Variants in BCL7C observed in about 807,000 individuals in gnomAD.
BCL7C encodes B-cell CLL/lymphoma 7 protein family member C.
In BCL7C, 8 loss-of-function variants were observed where a neutral mutation model predicts 26.2. The observed-to-expected ratio is 0.30, with a 90% CI of 0.18 to 0.55. The LOEUF (loss-of-function observed/expected upper bound fraction) is 0.55, where lower values mean the gene tolerates loss of function less well. BCL7C is among the 20% of genes least tolerant of loss of function. BCL7C has a pLI of 0.93. For synonymous variants in BCL7C, 90 were observed against 116.5 expected, an observed-to-expected ratio of 0.77 and a Z score of 1.47; for missense variants, 262 against 298.5, an observed-to-expected ratio of 0.88 and a Z score of 0.90.
At chr16:30,883,033 G>A (rs1447077816), downstream of BCL7C, among the ~76,000 whole-genome samples, 1 of 152,154 alleles carries the variant, frequency 6.6e-6, no homozygotes, top group Admixed American at 6.6e-5. Flanking sequence ...GTCTGGAGGT[G>A]GGGGTGGAAC....
chr16:30,869,140 G>A (rs2054859602), intron 5 of BCL7C, among the ~76,000 whole-genome samples: 1 of 152,146 alleles, frequency 6.6e-6, no homozygotes, highest in South Asian at 2.1e-4. Flanking sequence ...TGGGGCCAGA[G>A]TCGTAGTTCC....
At chr16:30,846,796 C>G (rs2054639342) in intron 5 of BCL7C, among the ~76,000 whole-genome samples, 1 of 152,216 alleles carries the variant, frequency 6.6e-6, no homozygotes. Context: ...GGCTTGAGCT[C>G]CCTGCTGAGC....
chr16:30,869,710 G>A (rs113376578), intron 5 of BCL7C, among the ~76,000 whole-genome samples: 2,197 of 151,590 alleles, frequency 0.014, 72 homozygotes, highest in African/African-American at 0.05. Context: ...ATGGGGTCTC[G>A]CTATGGTGCC....
At chr16:30,855,163 T>C (rs571872836) in intron 5 of BCL7C, among the ~76,000 whole-genome samples, 1 of 152,332 alleles carries the variant, frequency 6.6e-6, no homozygotes, top group Admixed American at 6.5e-5. Flanking sequence ...AGAGCTATGC[T>C]TCTGTGTCTA....
intron 5 of BCL7C, among the ~76,000 whole-genome samples, chr16:30,855,198 T>C (rs964094960): frequency 3.3e-5 from 5 of 152,192 alleles, no homozygotes; most frequent in African/African-American, 1.2e-4. Flanking sequence ...TCATCAGAAG[T>C]TTCTCCACAT....
rs1458833666 is a variant in BCL7C, at chr16:30,893,624, G to A, written c.92+229C>T. Among the ~76,000 whole-genome samples, 4 of 152,156 alleles carry A rather than the reference G, an allele frequency of 2.6e-5. No individual in the cohort carries two copies. In the East Asian group the frequency reaches 5.8e-4, roughly 22 times the overall value. On this transcript the variant is annotated intron_variant, in intron 1 of 5. Coordinates refer to ENST00000215115, the MANE Select transcript of BCL7C (RefSeq NM_004765.4). This position sits in a 1 kb window ranked among gnomAD's most constrained non-coding sequence, Gnocchi z 5.2. ...GAGGGGTGTCAAAGCTTTAGGGGGC[G>A]GGGCACAAGAGGGGGCTCCCGCTCT...
At chr16:30,883,305 A>G (rs560300347), downstream of BCL7C, among the ~76,000 whole-genome samples, 3 of 152,188 alleles carry the variant, frequency 2.0e-5, no homozygotes, top group African/African-American at 4.8e-5. Context: ...CAAGGTGGTA[A>G]ATAAGGGCTG....
chr16:30,851,750 AC>A, intron 5 of BCL7C: 1 of 524,252 alleles, frequency 1.9e-6, no homozygotes, highest in Non-Finnish European at 3.4e-6. Flanking sequence ...AGTGACCGTG[AC>A]CTTTTTTTGG....
At position 30,847,536 on chromosome 16, in the gene BCL7C, C is replaced by G. The variant is rs1404583812; in HGVS notation, c.529-12388G>C. 2.6e-5 allele frequency among the ~76,000 whole-genome samples: 4 copies of G among 152,152 alleles called. No homozygotes were observed. In the East Asian group the frequency reaches 7.7e-4, roughly 29 times the overall value. ...ATGGGCCAGGCACAGTGGCTCACACCTGTAATCTCAGCACTGTGGGAGACC... is the reference window on the plus strand; with the variant it reads ...ATGGGCCAGGCACAGTGGCTCACACGTGTAATCTCAGCACTGTGGGAGACC... On this transcript the variant is annotated intron_variant, in intron 5 of 5. Transcript: ENST00000380317.
intron 5 of BCL7C, among the ~76,000 whole-genome samples, chr16:30,841,899 G>A (rs1484976931): frequency 1.4e-5 from 2 of 139,446 alleles, no homozygotes; most frequent in African/African-American, 2.7e-5. Context: ...AGCTTGCAGT[G>A]AGCCGAGATC....
intron 5 of BCL7C, among the ~76,000 whole-genome samples, chr16:30,881,860 C>T (rs1173864184): frequency 6.6e-6 from 1 of 152,226 alleles, no homozygotes; most frequent in Non-Finnish European, 1.5e-5. Flanking sequence ...TGCTCTCTCC[C>T]CATCTCCCGT....
intron 5 of BCL7C, among the ~76,000 whole-genome samples, chr16:30,842,894 C>T (rs1797571720): frequency 6.6e-6 from 1 of 152,158 alleles, no homozygotes; most frequent in Non-Finnish European, 1.5e-5. Flanking sequence ...GATCCACCCT[C>T]CTCAGCTTCC....
At chr16:30,876,321 C>T (rs2054949406) in intron 5 of BCL7C, among the ~76,000 whole-genome samples, 1 of 152,188 alleles carries the variant, frequency 6.6e-6, no homozygotes. Flanking sequence ...TGGGGATCCC[C>T]TGGGCCCACT....
chr16:30,873,878 T>TAC (rs1297159091), intron 5 of BCL7C, among the ~76,000 whole-genome samples: 11 of 146,428 alleles, frequency 7.5e-5, no homozygotes, highest in African/African-American at 1.8e-4. Context: ...CAGATATATA[T>TAC]ACACACACAC....
At chr16:30,867,349 C>A (rs527238480) in intron 5 of BCL7C, among the ~76,000 whole-genome samples, 1 of 152,122 alleles carries the variant, frequency 6.6e-6, no homozygotes, top group South Asian at 2.1e-4. Context: ...AAGTGGTAGG[C>A]AGAATAATGG....
chr16:30,893,041 CA>C lies in BCL7C; in HGVS notation c.172-94del. ...ACTGAGAAGCAAAAGGGCTCAAACTCAGGGGGTGTGGAGCAGAAAAGAGGGC... is the reference window on the plus strand; with the variant it reads ...ACTGAGAAGCAAAAGGGCTCAAACTCGGGGGTGTGGAGCAGAAAAGAGGGC... On this transcript the variant is annotated intron_variant, in intron 2 of 5. Transcript: ENST00000215115. The surrounding 1 kb of genome is among the most constrained non-coding windows in gnomAD (Gnocchi z 5.2). 3 of 1,339,076 alleles carry C rather than the reference CA, an allele frequency of 2.2e-6. No homozygotes were observed. The South Asian group carries it at 3.9e-5, about 17-fold the overall frequency. 82.9% of individuals were successfully genotyped at this position (1,339,076 alleles called of 1,614,324 possible).
Position 30,834,669 on chromosome 16 carries a change from GC to G in BCL7C, c.*278del, listed in dbSNP as rs2054558613. On this transcript the variant is annotated 3_prime_UTR_variant, in exon 6 of 6. Transcript: ENST00000380317. The surrounding 1 kb of genome is among the most constrained non-coding windows in gnomAD (Gnocchi z 4.3). ...GGTGCGTGAGGAGGTGGGCGAGGCA[GC>G]CCAGTGCACCCCTCCCCTAGGCCTC... The G allele has an allele frequency of 6.6e-6, 2 of 302,462 alleles. No individual in the cohort carries two copies. Among genetic ancestry groups the G allele is most frequent in the South Asian group, 1.6e-4 (2 of 12,644 alleles). 18.7% of individuals were successfully genotyped at this position (302,462 alleles called of 1,614,324 possible).
At position 30,888,962 on chromosome 16, in the gene BCL7C, A is replaced by G; in HGVS notation, c.443-17T>C. On this transcript the variant is annotated splice_polypyrimidine_tract_variant and intron_variant, in intron 4 of 5. Coordinates refer to ENST00000215115, the MANE Select transcript of BCL7C (RefSeq NM_004765.4). ...CCCCGGGATCTGGAACGTCAAGGTA[A>G]CAAACATCCCCTGAACAGCCACTCT... The G allele has an allele frequency of 6.2e-7, 1 of 1,612,976 alleles. No homozygotes were observed. The highest frequency in any genetic ancestry group is 8.5e-7 in the Non-Finnish European group (1 of 1,179,060).
chr16:30,868,975 C>T (rs781207707), intron 5 of BCL7C, among the ~76,000 whole-genome samples: 1 of 151,806 alleles, frequency 6.6e-6, no homozygotes, highest in Non-Finnish European at 1.5e-5. Context: ...GAACTCCTGA[C>T]CTCAAATGAT....
Sources: allele counts gnomAD v4.1 joint callset (sites outside exome capture counted in the v4.1 genomes callset), GRCh38; gene constraint gnomAD v4.1.1; non-coding constraint Gnocchi (gnomAD v3.1); transcripts MANE v1.5; gene names NCBI Gene and HGNC (gene_info 2026-07-23, HGNC 2026-07-21).